The following DMD variants were observed in gnomAD, a reference collection of about 807,000 sequenced individuals.
DMD encodes the protein mutant dystrophin.
DMD carries 63 observed loss-of-function variants against 330.1 expected under a neutral mutation model. That is an observed-to-expected ratio of 0.19 (90% CI 0.16 to 0.24). The LOEUF (loss-of-function observed/expected upper bound fraction) is 0.24. DMD is among the 10% of genes least tolerant of loss of function. The probability of loss-of-function intolerance (pLI) is 1.00; values close to 1 mark genes in which losing one functional copy is unlikely to be tolerated. For missense variants in DMD, 3,344 were observed against 2,684.1 expected, an observed-to-expected ratio of 1.25 and a Z score of -5.43; for synonymous variants, 1,223 against 959.8, an observed-to-expected ratio of 1.27 and a Z score of -5.07.
chrX:32,809,927 A>AAAAAAAAAAAAAAAAAAAAAAAAAAG (rs2077227932), intron 6 of DMD, among the ~76,000 whole-genome samples: 1 of 85,068 alleles, frequency 1.2e-5, no homozygotes, highest in African/African-American at 4.1e-5. Context: ...ACCAAAAAAA[A>AAAAAAAAAAAAAAAAAAAAAAAAAAG]AAAAAAAAAA....
chrX:33,057,178 T>C (rs1053935818), intron 1 of DMD, among the ~76,000 whole-genome samples: 2 of 111,856 alleles, frequency 1.8e-5, no homozygotes, highest in African/African-American at 6.5e-5. Flanking sequence ...ATAATATTGT[T>C]AGGAGCTTCT....
In DMD at chrX:32,297,235, TTTTATTTA is replaced by T. The variant is rs199584874; in HGVS notation, c.6118-9542_6118-9535del. ...AAAAACCTACCATGAGACAGTCATATTTTATTTATTTATTTATTTATTTATTTATTTAT... is the reference window on the plus strand; with the variant it reads ...AAAAACCTACCATGAGACAGTCATATTTTATTTATTTATTTATTTATTTAT... On this transcript the variant is annotated intron_variant, in intron 42 of 78. Coordinates refer to ENST00000357033, the MANE Select transcript of DMD (RefSeq NM_004006.3). Among the ~76,000 whole-genome samples the T allele has an allele frequency of 9.0e-3, 877 of 97,163 alleles. 5 individuals carry two copies. The highest frequency in any genetic ancestry group is 0.024 in the African/African-American group (611 of 25,874). The allele number at this position is 97,163 out of a possible 115,157, so 84.4% of individuals were successfully genotyped here. A position where few individuals can be genotyped will look rare whatever the true frequency, so the allele number is the denominator to read the frequency against.
intron 7 of DMD, among the ~76,000 whole-genome samples, chrX:32,782,907 C>T (rs1260450185): frequency 9.6e-6 from 1 of 104,043 alleles, no homozygotes; most frequent in Non-Finnish European, 2.0e-5. Context: ...ACATATATAT[C>T]ATATATACAC....
chrX:33,000,169 T>C (rs945584837), intron 2 of DMD, among the ~76,000 whole-genome samples: 1 of 111,988 alleles, frequency 8.9e-6, no homozygotes, highest in African/African-American at 3.3e-5. Flanking sequence ...GGGGTGTTTT[T>C]ATACTAAACA....
chrX:33,213,508 G>C (rs768717388), upstream of DMD, among the ~76,000 whole-genome samples: 1 of 111,870 alleles, frequency 8.9e-6, no homozygotes, highest in Non-Finnish European at 1.9e-5. Flanking sequence ...ACTTTCTTGT[G>C]TCCCTTAATC....
At chrX:32,169,258 A>G (rs1313175576) in intron 44 of DMD, among the ~76,000 whole-genome samples, 1 of 112,157 alleles carries the variant, frequency 8.9e-6, no homozygotes, top group Non-Finnish European at 1.9e-5. Flanking sequence ...TGAATGGGCT[A>G]TATTATAGTT....
chrX:31,223,956 AAT>A (rs2046344650), intron 63 of DMD, among the ~76,000 whole-genome samples: 1 of 112,189 alleles, frequency 8.9e-6, no homozygotes, highest in African/African-American at 3.2e-5. Context: ...GAATAACAAC[AAT>A]ATATGTTACT....
chrX:31,413,510 A>T (rs1432984112), intron 60 of DMD, among the ~76,000 whole-genome samples: 1 of 112,085 alleles, frequency 8.9e-6, no homozygotes, highest in African/African-American at 3.2e-5. Flanking sequence ...AAAATTAATA[A>T]GTGCACAATG....
chrX:31,760,708 T>C (rs925423734), intron 51 of DMD, among the ~76,000 whole-genome samples: 2 of 111,796 alleles, frequency 1.8e-5, no homozygotes, highest in Non-Finnish European at 3.8e-5. Context: ...AATGCATGAC[T>C]GTATACCCCT....
chrX:31,440,598 G>A (rs1198911941), intron 60 of DMD, among the ~76,000 whole-genome samples: 1 of 111,845 alleles, frequency 8.9e-6, no homozygotes, highest in Non-Finnish European at 1.9e-5. Context: ...TCTAAGCCTC[G>A]GTTTCCTTAC....
intron 61 of DMD, among the ~76,000 whole-genome samples, chrX:31,333,523 G>GAT (rs1353783907): frequency 9.8e-6 from 1 of 102,497 alleles, no homozygotes; most frequent in East Asian, 3.2e-4. Flanking sequence ...TCCTCTAATA[G>GAT]ATGTATCTGC....
intron 2 of DMD, among the ~76,000 whole-genome samples, chrX:33,011,238 G>A (rs1048202054): frequency 9.0e-6 from 1 of 111,225 alleles, no homozygotes; most frequent in Non-Finnish European, 1.9e-5. Context: ...ACATGACTAA[G>A]CCATTATCTT....
chrX:31,542,818 T>C (rs1434251314), intron 55 of DMD, among the ~76,000 whole-genome samples: 2 of 112,966 alleles, frequency 1.8e-5, no homozygotes, highest in East Asian at 5.5e-4. Context: ...AAGAGGCCAA[T>C]GCAGCAAGCT....
chrX:33,290,402 A>G (rs754922321), intron 1 of DMD, among the ~76,000 whole-genome samples: 1 of 111,251 alleles, frequency 9.0e-6, no homozygotes, highest in Non-Finnish European at 1.9e-5. Flanking sequence ...ATTCCGTTTG[A>G]CTAAATCTCA....
At chrX:31,280,094 T>G (rs73464375) in intron 62 of DMD, among the ~76,000 whole-genome samples, 5,415 of 111,751 alleles carry the variant, frequency 0.048, 377 homozygotes, top group African/African-American at 0.17. Context: ...TTCTCACAAA[T>G]TCAGTTAGCA....
At chrX:32,700,336 TCTCA>T (rs979558524) in intron 7 of DMD, among the ~76,000 whole-genome samples, 4 of 111,221 alleles carry the variant, frequency 3.6e-5, no homozygotes, top group Admixed American at 9.6e-5. Flanking sequence ...TACCACATGA[TCTCA>T]CTAACACATG....
chrX:32,858,344 T>C (rs999902073), intron 2 of DMD, among the ~76,000 whole-genome samples: 10 of 112,214 alleles, frequency 8.9e-5, no homozygotes. Context: ...TATCATTTAT[T>C]TTTTGAGACA....
chrX:32,677,683 T>C (rs960391134), intron 9 of DMD, among the ~76,000 whole-genome samples: 1 of 111,646 alleles, frequency 9.0e-6, no homozygotes, highest in Non-Finnish European at 1.9e-5. Flanking sequence ...ATGTTTACTT[T>C]GTGATCAGAT....
rs540708106 is a variant in DMD at position 31,188,410 on chromosome X, A to C, written c.9808-5506T>G. Among the ~76,000 whole-genome samples, 94 of 112,253 alleles carry C rather than the reference A, an allele frequency of 8.4e-4. No homozygotes were observed. The South Asian group carries it at 0.032, about 39-fold the overall frequency. On this transcript the variant is annotated intron_variant, in intron 67 of 78. Transcript: ENST00000357033. ...AGGAAGTTATTAAGGTCAAAAGATA[A>C]GTATGATGGCATTCACTGGACTGAG...
Sources: gnomAD v4.1 joint callset for allele counts (sites outside exome capture counted in the v4.1 genomes callset) on GRCh38, gnomAD v4.1.1 for gene constraint, MANE v1.5 for transcripts, NCBI Gene and HGNC (gene_info 2026-07-23, HGNC 2026-07-21) for gene names.